Variants in LARP1 observed in about 807,000 individuals in gnomAD.
LARP1 encodes the protein La ribonucleoprotein 1, translational regulator.
A neutral mutation model predicts 122.7 loss-of-function variants in LARP1; 36 were observed. That is an observed-to-expected ratio of 0.29 (90% CI 0.22 to 0.39). The LOEUF (loss-of-function observed/expected upper bound fraction) is 0.39. Among genes scored for constraint, LARP1 ranks in the 10% least tolerant of loss-of-function variants. LARP1 has a pLI of 1.00. For missense variants in LARP1, 1,040 were observed against 1,403.6 expected (o/e 0.74, Z 4.14); for synonymous variants, 539 against 528.7 (o/e 1.02, Z -0.27).
exon 1 of LARP1, chr5:154,712,901 A>AT: frequency 6.2e-7 from 1 of 1,603,694 alleles, no homozygotes; most frequent in Non-Finnish European, 8.5e-7. Flanking sequence ...AGGGCCACAT[A>AT]GTGACCCCAG....
chr5:154,697,478 T>C (rs1449760624), intron 1 of LARP1, among the ~76,000 whole-genome samples: 2 of 152,208 alleles, frequency 1.3e-5, no homozygotes, highest in Non-Finnish European at 2.9e-5. Context: ...TGTAGCAGCA[T>C]TATTCATAAT....
chr5:154,806,582 C>T (rs1199026411), intron 15 of LARP1, among the ~76,000 whole-genome samples: 1 of 152,160 alleles, frequency 6.6e-6, no homozygotes, highest in African/African-American at 2.4e-5. Context: ...TTTGCTGATC[C>T]CCTCTCTAGA....
intron 1 of LARP1, among the ~76,000 whole-genome samples, chr5:154,746,044 C>T (rs564485673): frequency 2.0e-5 from 3 of 152,218 alleles, no homozygotes; most frequent in Admixed American, 6.5e-5. Context: ...GTGATCTACC[C>T]GCCTTGGACT....
chr5:154,789,854 T>C (rs1400086176), intron 1 of LARP1, among the ~76,000 whole-genome samples: 1 of 152,164 alleles, frequency 6.6e-6, no homozygotes, highest in Admixed American at 6.5e-5. Flanking sequence ...GATGGCTCAC[T>C]TAGAGTTTTT....
Position 154,793,900 on chromosome 5 carries a change from G to A in LARP1, c.969G>A (p.Ser323=), listed in dbSNP as rs1021526868. 1.9e-6 allele frequency: 3 copies of A among 1,614,140 alleles called. No individual in the cohort carries two copies. The highest frequency in any genetic ancestry group is 2.5e-6 in the Non-Finnish European group (3 of 1,180,006). Residue 323 remains serine (S), a synonymous_variant, in exon 6 of 19, where the codon TCG becomes TCA. Transcript: ENST00000518297. ...CCTGGCACGACCAGGATGAGACATC[G>A]AGTGTGAAGAGTGATGGGGCTGGTG... The part of the protein sequence containing the change: ...EPAWHDQDET[S]SVKSDGAGGA...
At chr5:154,782,888 G>C (rs1286719386) in intron 1 of LARP1, among the ~76,000 whole-genome samples, 1 of 152,162 alleles carries the variant, frequency 6.6e-6, no homozygotes, top group Non-Finnish European at 1.5e-5. Context: ...TCCTGCTTAG[G>C]GGGTCCTGGG....
chr5:154,703,364 T>G (rs1292551673), intron 1 of LARP1, among the ~76,000 whole-genome samples: 1 of 152,166 alleles, frequency 6.6e-6, no homozygotes, highest in Non-Finnish European at 1.5e-5. Flanking sequence ...AGCTCAGGCC[T>G]TCATGATTGG....
chr5:154,805,620 T>G, intron 14 of LARP1: 1 of 401,404 alleles, frequency 2.5e-6, no homozygotes, highest in Middle Eastern at 6.5e-4. Flanking sequence ...TGGACACGTT[T>G]CTGCCATTAA....
intron 1 of LARP1, among the ~76,000 whole-genome samples, chr5:154,688,023 C>G (rs1409025328): frequency 6.6e-6 from 1 of 152,166 alleles, no homozygotes; most frequent in Non-Finnish European, 1.5e-5. Context: ...CTGTGCCTCC[C>G]TTTCTGAGTA....
chr5:154,778,330 C>G (rs1756105563), intron 1 of LARP1, among the ~76,000 whole-genome samples: 1 of 151,740 alleles, frequency 6.6e-6, no homozygotes. Context: ...TTGGGTACCC[C>G]TGTCAGTTTA....
chr5:154,763,218 G>C (rs147172912), intron 1 of LARP1, among the ~76,000 whole-genome samples: 249 of 151,940 alleles, frequency 1.6e-3, no homozygotes, highest in African/African-American at 5.8e-3. Context: ...GCACCACCAC[G>C]CCTGGCTAAT....
At chr5:154,718,150 C>G (rs574422122) in intron 1 of LARP1, among the ~76,000 whole-genome samples, 1 of 151,924 alleles carries the variant, frequency 6.6e-6, no homozygotes, top group African/African-American at 2.4e-5. Context: ...TCAAATTCCT[C>G]GTGTCAAATG....
At chr5:154,784,224 G>T (rs545935512) in intron 1 of LARP1, among the ~76,000 whole-genome samples, 55 of 152,330 alleles carry the variant, frequency 3.6e-4, no homozygotes, top group African/African-American at 1.3e-3. Context: ...GCTAGACACT[G>T]GGGTACTGCT....
At chr5:154,781,897 T>C (rs567792561) in intron 1 of LARP1, among the ~76,000 whole-genome samples, 2 of 152,332 alleles carry the variant, frequency 1.3e-5, no homozygotes, top group South Asian at 4.1e-4. Context: ...GATTGCAGTC[T>C]AGTGGAGTTG....
chr5:154,727,636 G>A (rs1756306451), intron 1 of LARP1, among the ~76,000 whole-genome samples: 1 of 152,140 alleles, frequency 6.6e-6, no homozygotes, highest in South Asian at 2.1e-4. Context: ...AATGCTAAGA[G>A]AGTGAATGTT....
chr5:154,755,576 G>A lies in LARP1; in HGVS notation c.-182G>A. On this transcript the variant is annotated 5_prime_UTR_variant, in exon 1 of 19. Transcript: ENST00000518297. ...CCCCCCGCCCCGCTAGTGGGCCTCG[G>A]ATTTACGGCGGCTGCATCTAACTGG... 1.0e-6 allele frequency: 1 copy of A among 987,466 alleles called. No homozygotes were observed. The highest frequency in any genetic ancestry group is 1.2e-6 in the Non-Finnish European group (1 of 830,172). The allele number at this position is 987,466 out of a possible 1,614,324, so 61.2% of individuals were successfully genotyped here. A position where few individuals can be genotyped will look rare whatever the true frequency, so the allele number is the denominator to read the frequency against.
chr5:154,737,355 AT>A, intron 1 of LARP1, among the ~76,000 whole-genome samples: 1 of 151,680 alleles, frequency 6.6e-6, no homozygotes, highest in East Asian at 1.9e-4. Flanking sequence ...TGTTGTTTTA[AT>A]GCAATTCTAG....
chr5:154,713,217 G>A, intron 1 of LARP1: 1 of 1,163,014 alleles, frequency 8.6e-7, no homozygotes, highest in South Asian at 1.5e-5. Context: ...GAAACCTTGG[G>A]TGCTGGTTCC....
chr5:154,792,731 C>T lies in LARP1; in HGVS notation c.674C>T (p.Ser225Leu). 6.2e-7 allele frequency: 1 copy of T among 1,614,148 alleles called. No homozygotes were observed. Among genetic ancestry groups the T allele is most frequent in the Non-Finnish European group, 8.5e-7 (1 of 1,180,034 alleles). The change falls in exon 4 of 19, where the codon TCA becomes TTA. Residue 225 changes from serine (S) to leucine (L), a missense_variant. Physicochemically the swap from Ser to Leu is moderately radical, Grantham distance 145 (BLOSUM62 -2). This residue lies in a region of LARP1 where 257 missense variants were observed against 273.3 expected (regional missense o/e 0.94). Transcript: ENST00000518297. ...AGTAAGGAGAGTCCAAAAACCAAAT[C>T]AGATGAATCAGGGGAGGAAAAGAAT... ...SDSKESPKTK[S>L]DESGEEKNGD...
Sources: gnomAD v4.1 joint callset for allele counts (sites outside exome capture counted in the v4.1 genomes callset) on GRCh38, gnomAD v4.1.1 for gene constraint, gnomAD v4.1.1 regional missense constraint, MANE v1.5 for transcripts, NCBI Gene and HGNC (gene_info 2026-07-23, HGNC 2026-07-21) for gene names.